PNPLA8: variants seen among roughly 807,000 people sequenced by gnomAD.
PNPLA8 encodes the protein patatin like domain 8, phospholipase A2.
In PNPLA8, 39 loss-of-function variants were observed where a neutral mutation model predicts 76.9. The observed-to-expected ratio is 0.51, with a 90% CI of 0.39 to 0.66. The LOEUF is 0.66. Among genes scored for constraint, PNPLA8 ranks in the 30% least tolerant of loss-of-function variants. The pLI is 0.00. For missense variants in PNPLA8, 887 were observed against 918.0 expected, an observed-to-expected ratio of 0.97 and a Z score of 0.44; for synonymous variants, 301 against 307.9, an observed-to-expected ratio of 0.98 and a Z score of 0.24.
intron 2 of PNPLA8, among the ~76,000 whole-genome samples, chr7:108,517,859 G>A (rs1003049077): frequency 1.3e-5 from 2 of 152,052 alleles, no homozygotes; most frequent in African/African-American, 4.8e-5. Context: ...CTACCACCTC[G>A]AACTCCTGGG....
intron 1 of PNPLA8, among the ~76,000 whole-genome samples, chr7:108,523,624 C>T (rs1054051582): frequency 1.3e-5 from 2 of 152,182 alleles, no homozygotes; most frequent in African/African-American, 4.8e-5. Context: ...ATAAATACCC[C>T]TAAGAAAAAA....
At chr7:108,525,782 C>A (rs1034808960) in intron 1 of PNPLA8, among the ~76,000 whole-genome samples, 10 of 152,140 alleles carry the variant, frequency 6.6e-5, no homozygotes, top group African/African-American at 2.4e-4. Context: ...ACCTGCGAAA[C>A]CAAATACGGT....
rs1861630160 is a variant in PNPLA8 at position 108,497,504 on chromosome 7, A to C, written c.1432T>G (p.Tyr478Asp). ...TQKPVHQLFD[Y>D]ICGVSTGAIL... Reference sequence around the variant, plus strand: ...TTACCTGTGCTTACACCACAAATGTAATCAAAGAGCTGATGAACTGGCTTC... The same window carrying C: ...TTACCTGTGCTTACACCACAAATGTCATCAAAGAGCTGATGAACTGGCTTC... Residue 478 changes from tyrosine to aspartate, a missense_variant, in exon 6 of 11, where the codon TAC (tyrosine) becomes GAC (aspartate). Transcript: ENST00000257694. 1 of 1,609,732 alleles carries C rather than the reference A, an allele frequency of 6.2e-7. No homozygotes were observed. Among genetic ancestry groups the C allele is most frequent in the Non-Finnish European group, 8.5e-7 (1 of 1,176,814 alleles).
chr7:108,515,712 G>A (rs1863290360), intron 2 of PNPLA8, 138 bp from the exon 3 acceptor site: 1 of 355,570 alleles, frequency 2.8e-6, no homozygotes, highest in Non-Finnish European at 4.8e-6. Context: ...ATAGCTGATA[G>A]AAAATTCATT....
chr7:108,513,025 G>A (rs1863051456), intron 4 of PNPLA8, among the ~76,000 whole-genome samples: 1 of 152,070 alleles, frequency 6.6e-6, no homozygotes, highest in African/African-American at 2.4e-5. Flanking sequence ...CTGTCTAGGA[G>A]GAACGGGACT....
intron 4 of PNPLA8, among the ~76,000 whole-genome samples, chr7:108,513,386 A>C (rs1863076956): frequency 6.6e-6 from 1 of 152,126 alleles, no homozygotes; most frequent in Non-Finnish European, 1.5e-5. Context: ...TTATTCAAAG[A>C]CAATTTTTCA....
rs1859907565 is a variant in PNPLA8 at position 108,475,276 on chromosome 7, A to G, written c.2075-2601T>C. Among the ~76,000 whole-genome samples the G allele has an allele frequency of 2.0e-5, 3 of 152,200 alleles. No individual in the cohort carries two copies. The South Asian group carries it at 6.2e-4, about 31-fold the overall frequency. ...AATGTAATAATACTAGAAATAAAGTACACAATAAATGTAATGTGCTTGAAT... is the reference window on the plus strand; with the variant it reads ...AATGTAATAATACTAGAAATAAAGTGCACAATAAATGTAATGTGCTTGAAT... On this transcript the variant is annotated intron_variant, in intron 10 of 10. Coordinates refer to ENST00000257694, the MANE Select transcript of PNPLA8 (RefSeq NM_001256007.3).
chr7:108,514,257 C>T lies in PNPLA8; in HGVS notation c.1093G>A (p.Ala365Thr). The change falls in exon 4 of 11, where the codon GCA (alanine) becomes ACA (threonine). Residue 365 changes from alanine to threonine, a missense_variant. Transcript: ENST00000257694. ...GTTCTTCTTAATGCCTGAACTAATG[C>T]CCGGGTCCTGTTATCAATACTCACC... ...ARVSIDNRTRALVQALRRTTD... is the reference protein window; with the variant it reads ...ARVSIDNRTRTLVQALRRTTD... 6.2e-7 allele frequency: 1 copy of T among 1,611,972 alleles called. No homozygotes were observed. The highest frequency in any genetic ancestry group is 8.5e-7 in the Non-Finnish European group (1 of 1,178,128).
Position 108,491,032 on chromosome 7 carries a change from C to T in PNPLA8, c.1683+378G>A, listed in dbSNP as rs564025211. Reference sequence around the variant, plus strand: ...ATAAAAGGGCCCTCAGGGCCGGGCACGATGGCTCATGCCTGTAATCCCAGC... The same window carrying T: ...ATAAAAGGGCCCTCAGGGCCGGGCATGATGGCTCATGCCTGTAATCCCAGC... On this transcript the variant is annotated intron_variant, in intron 8 of 10. Coordinates refer to ENST00000257694, the MANE Select transcript of PNPLA8 (RefSeq NM_001256007.3). 2.6e-5 allele frequency among the ~76,000 whole-genome samples: 4 copies of T among 152,100 alleles called. No homozygotes were observed. The East Asian group carries it at 5.8e-4, about 22-fold the overall frequency.
chr7:108,503,836 T>C (rs1318331252), intron 4 of PNPLA8, among the ~76,000 whole-genome samples: 5 of 152,178 alleles, frequency 3.3e-5, no homozygotes, highest in Admixed American at 6.5e-5. Flanking sequence ...AACCAGCTGA[T>C]CGTTTAGCAT....
In PNPLA8 at chr7:108,506,109, G is replaced by C. The variant is rs184673471; in HGVS notation, c.1207-3467C>G. Among the ~76,000 whole-genome samples, 5 of 152,292 alleles carry C rather than the reference G, an allele frequency of 3.3e-5. No homozygotes were observed. In the East Asian group the frequency reaches 9.7e-4, roughly 29 times the overall value. On this transcript the variant is annotated intron_variant, in intron 4 of 10. Transcript: ENST00000257694. ...AAGATTTAAAAAGGTTGGGCACAGT[G>C]GCTCACGGCTGTAATCCCAATACTT...
chr7:108,506,456 T>C (rs761229894), intron 4 of PNPLA8, among the ~76,000 whole-genome samples: 1 of 149,272 alleles, frequency 6.7e-6, no homozygotes, highest in African/African-American at 2.5e-5. Flanking sequence ...AAAGAATAAA[T>C]TGGCACAAGC....
chr7:108,493,135 T>C (rs1861304329), intron 7 of PNPLA8, among the ~76,000 whole-genome samples: 2 of 152,058 alleles, frequency 1.3e-5, no homozygotes, highest in South Asian at 4.1e-4. Context: ...AGTTTTGGAG[T>C]GGCTTGTTCT....
At position 108,515,253 on chromosome 7, in the gene PNPLA8, T is replaced by A. The variant is rs754397424; in HGVS notation, c.239A>T (p.His80Leu). Reference sequence around the variant, plus strand: ...AGTGCTAAGTTTCAAAATCCCAATATGTAAACCATGGTTGCTTGGAGAGTA... The same window carrying A: ...AGTGCTAAGTTTCAAAATCCCAATAAGTAAACCATGGTTGCTTGGAGAGTA... ...HCYSPSNHGL[H>L]IGILKLSTSA... The change falls in exon 3 of 11, where the codon CAT (histidine) becomes CTT (leucine). Residue 80 changes from histidine (H) to leucine (L), a missense_variant. Coordinates refer to ENST00000257694, the MANE Select transcript of PNPLA8 (RefSeq NM_001256007.3). The A allele has an allele frequency of 6.2e-7, 1 of 1,603,528 alleles. No homozygotes were observed. Among genetic ancestry groups the A allele is most frequent in the Non-Finnish European group, 8.5e-7 (1 of 1,174,230 alleles).
intron 10 of PNPLA8, among the ~76,000 whole-genome samples, chr7:108,476,969 G>A (rs773701338): frequency 6.6e-6 from 1 of 152,198 alleles, no homozygotes; most frequent in Non-Finnish European, 1.5e-5. Context: ...AATGGTGGTT[G>A]CCAGACACTG....
chr7:108,523,120 G>A (rs551521379), intron 1 of PNPLA8, among the ~76,000 whole-genome samples: 1 of 152,252 alleles, frequency 6.6e-6, no homozygotes, highest in Admixed American at 6.5e-5. Flanking sequence ...ATGGAGGTAC[G>A]AATAAAACAA....
chr7:108,498,734 A>C (rs1347501606), intron 5 of PNPLA8, among the ~76,000 whole-genome samples: 1 of 152,164 alleles, frequency 6.6e-6, no homozygotes, highest in Non-Finnish European at 1.5e-5. Flanking sequence ...AAGGAATGCG[A>C]AACGATGAAA....
At chr7:108,491,767 C>T (rs539827934) in intron 7 of PNPLA8, among the ~76,000 whole-genome samples, 1 of 152,322 alleles carries the variant, frequency 6.6e-6, no homozygotes, top group African/African-American at 2.4e-5. Context: ...CATTGAAAGA[C>T]TGCAAGGCAA....
At chr7:108,478,643 C>T (rs1286503647) in intron 10 of PNPLA8, among the ~76,000 whole-genome samples, 4 of 152,222 alleles carry the variant, frequency 2.6e-5, no homozygotes, top group South Asian at 2.1e-4. Flanking sequence ...CCAACCGCCT[C>T]GGCCTCCCAA....
Sources: allele counts gnomAD v4.1 joint callset (sites outside exome capture counted in the v4.1 genomes callset), GRCh38; gene constraint gnomAD v4.1.1; transcripts MANE v1.5; gene names NCBI Gene and HGNC (gene_info 2026-07-23, HGNC 2026-07-21).